The following GPR26 variants were observed in gnomAD, a reference collection of about 807,000 sequenced individuals.
The protein encoded by GPR26 is G protein-coupled receptor 26.
Under a neutral mutation model 23.1 loss-of-function variants are expected in GPR26, and 15 were observed. The ratio of observed to expected loss-of-function variants is 0.65; its 90% CI spans 0.43 to 1.00. GPR26 has a LOEUF of 1.00. Ranked by LOEUF, GPR26 falls within the 50% of genes least tolerant of loss-of-function variation. The probability of loss-of-function intolerance (pLI) is 0.00; values close to 1 mark genes in which losing one functional copy is unlikely to be tolerated. For synonymous variants in GPR26, 228 were observed against 222.1 expected (o/e 1.03, Z -0.24); for missense variants, 359 against 470.5 (o/e 0.76, Z 2.19).
At chr10:123,685,174 C>G (rs1022198831) in intron 2 of GPR26, among the ~76,000 whole-genome samples, 1 of 152,154 alleles carries the variant, frequency 6.6e-6, no homozygotes, top group African/African-American at 2.4e-5. Flanking sequence ...TTGTAATGCC[C>G]CTTTCCTGGA....
At chr10:123,675,819 C>CGTGTGTGTGTGTGTGTGTGTGTAG (rs1176442924) in intron 2 of GPR26, among the ~76,000 whole-genome samples, 1 of 16,680 alleles carries the variant, frequency 6.0e-5, no homozygotes. Context: ...TGTGTGTGTA[C>CGTGTGTGTGTGTGTGTGTGTGTAG]GTGTGTGTGT....
intron 1 of GPR26, 80 bp downstream of exon 1, chr10:123,667,155 T>A: frequency 9.5e-7 from 1 of 1,057,088 alleles, no homozygotes; most frequent in Non-Finnish European, 1.3e-6. Flanking sequence ...CCCCAGGGGC[T>A]CTTTTCCACC....
intron 2 of GPR26, among the ~76,000 whole-genome samples, chr10:123,679,351 T>A (rs1845343564): frequency 6.6e-6 from 1 of 152,188 alleles, no homozygotes; most frequent in Non-Finnish European, 1.5e-5. Context: ...GGGAAAGTGG[T>A]AGGAATGGCT....
In GPR26 at chr10:123,666,637, G is replaced by T. The variant is rs373547569; in HGVS notation, c.230G>T (p.Arg77Leu). The change falls in exon 1 of 3, where the codon CGC (arginine) becomes CTC (leucine). Residue 77 changes from arginine (R) to leucine (L), a missense_variant. By Grantham distance (102) the Arg-to-Leu change is moderately radical. Transcript: ENST00000284674. Reference sequence around the variant, plus strand: ...GCGCAGCGGCAGCCGGCGGGCGACCGCCTGTGCCGCCTGGCTGCCTTCCTC... The same window carrying T: ...GCGCAGCGGCAGCCGGCGGGCGACCTCCTGTGCCGCCTGGCTGCCTTCCTC... Reference protein sequence around the residue: ...VVAQRQPAGDRLCRLAAFLDT... With the variant: ...VVAQRQPAGDLLCRLAAFLDT... 258 of 1,592,680 alleles carry T rather than the reference G, an allele frequency of 1.6e-4. 2 individuals carry two copies. The South Asian group carries it at 2.7e-3, about 17-fold the overall frequency.
At chr10:123,680,687 CTTAA>C (rs999506210) in intron 2 of GPR26, among the ~76,000 whole-genome samples, 1 of 152,170 alleles carries the variant, frequency 6.6e-6, no homozygotes, top group Non-Finnish European at 1.5e-5. Flanking sequence ...GCTCTATCTC[CTTAA>C]TTAATTCAGG....
At chr10:123,667,849 C>T (rs558114417) in intron 1 of GPR26, among the ~76,000 whole-genome samples, 1 of 152,198 alleles carries the variant, frequency 6.6e-6, no homozygotes, top group East Asian at 1.9e-4. Context: ...TCTGGGAACC[C>T]CTGCCATCGC....
intron 2 of GPR26, among the ~76,000 whole-genome samples, chr10:123,685,796 G>A (rs1845425894): frequency 6.6e-6 from 1 of 152,252 alleles, no homozygotes; most frequent in African/African-American, 2.4e-5. Flanking sequence ...GTTAGATGGA[G>A]CTGGGCTTCC....
Position 123,666,624 on chromosome 10 carries a change from C to A in GPR26, c.217C>A (p.Pro73Thr). 1.3e-6 allele frequency: 2 copies of A among 1,588,084 alleles called. No homozygotes were observed. The highest frequency in any genetic ancestry group is 1.7e-6 in the Non-Finnish European group (2 of 1,171,298). ...GGCCGGCGTCGTGGCGCAGCGGCAGCCGGCGGGCGACCGCCTGTGCCGCCT... is the reference window on the plus strand; with the variant it reads ...GGCCGGCGTCGTGGCGCAGCGGCAGACGGCGGGCGACCGCCTGTGCCGCCT... ...TLAGVVAQRQ[P>T]AGDRLCRLAA... is the part of the protein sequence containing the mutation. The change falls in exon 1 of 3, where the codon CCG (proline) becomes ACG (threonine). Residue 73 changes from proline (P) to threonine (T), a missense_variant. Pro to Thr is a conservative substitution (Grantham distance 38). Coordinates refer to ENST00000284674, the MANE Select transcript of GPR26 (RefSeq NM_153442.4).
chr10:123,694,999 T>A lies in GPR26; in HGVS notation c.*6839T>A, dbSNP rs1256675920. ...CAGGGTCCTGATGGGCACTGCCACA[T>A]ACCCCCAGGACAAACGGAAAAATCC... is the stretch of plus-strand genomic sequence containing the variant. On this transcript the variant is annotated 3_prime_UTR_variant, in exon 3 of 3. Transcript: ENST00000284674. Among the ~76,000 whole-genome samples the A allele has an allele frequency of 6.6e-6, 1 of 152,134 alleles. No homozygotes were observed. Among genetic ancestry groups the A allele is most frequent in the Non-Finnish European group, 1.5e-5 (1 of 68,020 alleles).
chr10:123,670,724 C>T, intron 1 of GPR26, among the ~76,000 whole-genome samples: 1 of 152,164 alleles, frequency 6.6e-6, no homozygotes. Flanking sequence ...TGCTCACAAA[C>T]ACCACCCCTC....
At chr10:123,687,058 C>T (rs1045983494) in intron 2 of GPR26, among the ~76,000 whole-genome samples, 1 of 152,092 alleles carries the variant, frequency 6.6e-6, no homozygotes, top group Admixed American at 6.5e-5. Flanking sequence ...TCCCTGACCT[C>T]ATAACATGGT....
intron 1 of GPR26, among the ~76,000 whole-genome samples, chr10:123,671,087 C>T (rs1458878333): frequency 1.3e-5 from 2 of 152,158 alleles, no homozygotes; most frequent in African/African-American, 2.4e-5. Context: ...GCCTTAAAAG[C>T]CAGAAAAACC....
chr10:123,669,042 TC>T (rs572603941), intron 1 of GPR26, among the ~76,000 whole-genome samples: 329 of 152,238 alleles, frequency 2.2e-3, no homozygotes, highest in African/African-American at 7.6e-3. Context: ...GCCTTCGATT[TC>T]CCCTCCATTC....
chr10:123,687,250 C>T (rs777629525), intron 2 of GPR26, among the ~76,000 whole-genome samples: 8 of 152,196 alleles, frequency 5.3e-5, no homozygotes, highest in Non-Finnish European at 5.9e-5. Context: ...AGCATTCTTT[C>T]CTGTGCATGA....
chr10:123,688,296 AG>A lies in GPR26; in HGVS notation c.*140del. 1 of 641,730 alleles carries A rather than the reference AG, an allele frequency of 1.6e-6. No homozygotes were observed. Among genetic ancestry groups the A allele is most frequent in the Non-Finnish European group, 2.8e-6 (1 of 362,870 alleles). 39.8% of individuals were successfully genotyped at this position (641,730 alleles called of 1,614,324 possible). A position where few individuals can be genotyped will look rare whatever the true frequency, so the allele number is the denominator to read the frequency against. ...CAGTGATCCTGGTTCCCTGGCTTGT[AG>A]GGGCTCCAGAGCCTGCTTCCTGGTT... On this transcript the variant is annotated 3_prime_UTR_variant, in exon 3 of 3. Transcript: ENST00000284674.
At position 123,692,735 on chromosome 10, in the gene GPR26, G is replaced by A. The variant is rs1845502143; in HGVS notation, c.*4575G>A. ...TTCATCATAATCTTTTGATGTAGGTGCTGTTATTATCTCTACGTTACACAT... is the reference window on the plus strand; with the variant it reads ...TTCATCATAATCTTTTGATGTAGGTACTGTTATTATCTCTACGTTACACAT... On this transcript the variant is annotated 3_prime_UTR_variant, in exon 3 of 3. Transcript: ENST00000284674. 2 of 152,178 alleles carry A rather than the reference G, an allele frequency of 1.3e-5. No homozygotes were observed. Among genetic ancestry groups the A allele is most frequent in the African/African-American group, 4.8e-5 (2 of 41,424 alleles). 9.4% of individuals were successfully genotyped at this position (152,178 alleles called of 1,614,324 possible).
chr10:123,679,258 CCATG>C, intron 2 of GPR26, among the ~76,000 whole-genome samples: 1 of 152,162 alleles, frequency 6.6e-6, no homozygotes, highest in East Asian at 1.9e-4. Context: ...GCTGGTTGCA[CCATG>C]CAGACCAACT....
rs973993278 is a variant in GPR26 at position 123,691,966 on chromosome 10, T to C, written c.*3806T>C. 6.6e-6 allele frequency: 1 copy of C among 152,200 alleles called. No individual in the cohort carries two copies. The highest frequency in any genetic ancestry group is 2.4e-5 in the African/African-American group (1 of 41,454). The allele number at this position is 152,200 out of a possible 1,614,324, so 9.4% of individuals were successfully genotyped here. ...AAAATTGAGTGTTTCTATTAATAAC[T>C]ATCTAGGTTTCAATTGTCTTGTATC... On this transcript the variant is annotated 3_prime_UTR_variant, in exon 3 of 3. Coordinates refer to ENST00000284674, the MANE Select transcript of GPR26 (RefSeq NM_153442.4).
chr10:123,680,838 G>GGTTGTTTTTTTTTTTTTTT (rs1564732146), intron 2 of GPR26, among the ~76,000 whole-genome samples: 2 of 95,294 alleles, frequency 2.1e-5, no homozygotes. Context: ...GGGGGGGGGG[G>GGTTGTTTTTTTTTTTTTTT]TTGTTTTTTT....
Sources: allele counts gnomAD v4.1 joint callset (sites outside exome capture counted in the v4.1 genomes callset), GRCh38; gene constraint gnomAD v4.1.1; transcripts MANE v1.5; gene names NCBI Gene and HGNC (gene_info 2026-07-23, HGNC 2026-07-21).